SHQ1: variants seen among roughly 807,000 people sequenced by gnomAD.
SHQ1 encodes protein SHQ1 homolog.
SHQ1 carries 49 observed loss-of-function variants against 53.8 expected under a neutral mutation model. That is an observed-to-expected ratio of 0.91 (90% confidence interval 0.72 to 1.16). The LOEUF (loss-of-function observed/expected upper bound fraction) is 1.16. SHQ1 is among the 50% of genes most tolerant of loss of function. The probability of loss-of-function intolerance (pLI) is 0.00; values close to 1 mark genes in which losing one functional copy is unlikely to be tolerated. For synonymous variants in SHQ1, 243 were observed against 251.0 expected (o/e 0.97, Z 0.30); for missense variants, 738 against 683.1 (o/e 1.08, Z -0.90).
chr3:72,772,740 C>A (rs967138809), intron 10 of SHQ1: 9 of 743,654 alleles, frequency 1.2e-5, no homozygotes, highest in Non-Finnish European at 2.0e-5. Context: ...ATGCTACTCC[C>A]GTGGATGATC....
In SHQ1 at chr3:72,848,289, C is replaced by T; in HGVS notation, c.52G>A (p.Ala18Thr). The T allele has an allele frequency of 1.9e-6, 3 of 1,614,122 alleles. No homozygotes were observed. Among genetic ancestry groups the T allele is most frequent in the Non-Finnish European group, 2.5e-6 (3 of 1,180,024 alleles). Residue 18 changes from alanine (A) to threonine (T), a missense_variant, in exon 1 of 11, where the codon GCC (alanine) becomes ACC (threonine). Physicochemically the swap from Ala to Thr is moderately conservative, Grantham distance 58. Transcript: ENST00000325599. The stretch of plus-strand genomic sequence containing the variant: ...ACCCGGGCGTAGGGCACGCGGATGG[C>T]GATAGTCAGGAAGTCCGGATCCTGG... Reference protein sequence around the residue: ...LSQDPDFLTIAIRVPYARVSE... With the variant: ...LSQDPDFLTITIRVPYARVSE...
At chr3:72,837,875 G>A (rs1708049654) in intron 4 of SHQ1, among the ~76,000 whole-genome samples, 1 of 152,216 alleles carries the variant, frequency 6.6e-6, no homozygotes, top group African/African-American at 2.4e-5. Context: ...CAAGATTTCT[G>A]TGGCAATATT....
intron 4 of SHQ1, among the ~76,000 whole-genome samples, chr3:72,838,526 C>A (rs1383912055): frequency 1.3e-5 from 2 of 152,102 alleles, no homozygotes; most frequent in Admixed American, 1.3e-4. Flanking sequence ...GAGATGTAGT[C>A]TCACTCTGTC....
At chr3:72,775,858 T>C (rs1705949139) in intron 10 of SHQ1, among the ~76,000 whole-genome samples, 1 of 152,148 alleles carries the variant, frequency 6.6e-6, no homozygotes, top group Non-Finnish European at 1.5e-5. Context: ...AATAAAAAAC[T>C]CCATGCAAAA....
chr3:72,770,268 T>C lies in SHQ1; in HGVS notation c.1182-19432A>G, dbSNP rs370567242. Among the ~76,000 whole-genome samples the C allele has an allele frequency of 1.8e-4, 27 of 152,296 alleles. 1 individual carries two copies. The East Asian group carries it at 3.1e-3, about 17-fold the overall frequency. On this transcript the variant is annotated intron_variant, in intron 10 of 10. Transcript: ENST00000325599. ...TTATGGATAGCAGAAGCACAGAGAG[T>C]TTAAATGGCTTGTCCAAGGCCATAC...
chr3:72,778,782 CA>C (rs758699713), intron 10 of SHQ1, among the ~76,000 whole-genome samples: 50 of 152,182 alleles, frequency 3.3e-4, no homozygotes, highest in Non-Finnish European at 6.3e-4. Flanking sequence ...CAGATCACCA[CA>C]AAAGAGTTTA....
chr3:72,748,254 A>G (rs1705290121), downstream of SHQ1, among the ~76,000 whole-genome samples: 1 of 149,994 alleles, frequency 6.7e-6, no homozygotes, highest in Admixed American at 6.7e-5. Context: ...AAGAGTATAT[A>G]TAAGAATGCA....
rs145178304 is a variant in SHQ1 at position 72,763,064 on chromosome 3, G to C, written c.1182-12228C>G. On this transcript the variant is annotated intron_variant, in intron 10 of 10. Transcript: ENST00000325599. ...ACACACACACACACACACACACACA[G>C]AGAGAGAGAGAGAGAGAGAGAGAAA... is the stretch of plus-strand genomic sequence containing the variant. Among the ~76,000 whole-genome samples the C allele has an allele frequency of 5.5e-3, 427 of 78,058 alleles. 4 individuals are homozygous for C. The highest frequency in any genetic ancestry group is 0.014 in the African/African-American group (250 of 17,244). The allele number at this position is 78,058 out of a possible 152,430, so 51.2% of individuals were successfully genotyped here.
At chr3:72,813,593 C>T (rs1055179195) in intron 8 of SHQ1, among the ~76,000 whole-genome samples, 2 of 151,686 alleles carry the variant, frequency 1.3e-5, no homozygotes, top group African/African-American at 4.8e-5. Context: ...GAAACCCCGT[C>T]TCTACTAAAA....
At chr3:72,737,257 G>A in the SHQ1 span, among the ~76,000 whole-genome samples, 1 of 151,908 alleles carries the variant, frequency 6.6e-6, no homozygotes, top group Non-Finnish European at 1.5e-5. Flanking sequence ...CAGCCTGGGC[G>A]ACAAAGCAAG....
intron 10 of SHQ1, chr3:72,753,372 C>T (rs1227348174): frequency 2.7e-5 from 27 of 985,320 alleles, no homozygotes; most frequent in Non-Finnish European, 3.3e-5. Context: ...ATGGGAAATA[C>T]CGAACAAAGA....
intron 10 of SHQ1, among the ~76,000 whole-genome samples, chr3:72,788,948 G>A (rs987999652): frequency 1.3e-5 from 2 of 152,000 alleles, no homozygotes; most frequent in Admixed American, 6.6e-5. Context: ...TGCAGAAGGT[G>A]GCAGGGCCCT....
chr3:72,769,786 T>A (rs1464018844), intron 10 of SHQ1, among the ~76,000 whole-genome samples: 2 of 152,224 alleles, frequency 1.3e-5, no homozygotes, highest in African/African-American at 4.8e-5. Context: ...CATGGGCTAC[T>A]TCACCAAGAA....
chr3:72,770,536 C>A (rs1271438355), intron 10 of SHQ1, among the ~76,000 whole-genome samples: 2 of 152,046 alleles, frequency 1.3e-5, no homozygotes, highest in Non-Finnish European at 2.9e-5. Flanking sequence ...CCAGTTTCAC[C>A]AAGGGCTGTC....
chr3:72,797,807 C>T (rs1052604474), intron 9 of SHQ1, among the ~76,000 whole-genome samples: 23 of 152,210 alleles, frequency 1.5e-4, no homozygotes, highest in African/African-American at 4.8e-4. Context: ...ACTCTGAGGT[C>T]GTACTTGATC....
intron 10 of SHQ1, among the ~76,000 whole-genome samples, chr3:72,783,428 G>A (rs995301717): frequency 2.1e-5 from 3 of 143,752 alleles, no homozygotes; most frequent in Non-Finnish European, 4.5e-5. Context: ...GCTGTGGCAT[G>A]ATCTTGGCTC....
chr3:72,822,535 A>AT (rs1707508962), intron 6 of SHQ1, among the ~76,000 whole-genome samples: 1 of 152,160 alleles, frequency 6.6e-6, no homozygotes, highest in Admixed American at 6.5e-5. Flanking sequence ...CCTTCTCTTG[A>AT]TTTTTAGGGC....
chr3:72,732,967 A>G, the SHQ1 span, among the ~76,000 whole-genome samples: 1 of 151,700 alleles, frequency 6.6e-6, no homozygotes, highest in Non-Finnish European at 1.5e-5. Flanking sequence ...AGCCCTGCTG[A>G]TACTTGGCAC....
intron 6 of SHQ1, among the ~76,000 whole-genome samples, chr3:72,820,136 A>C (rs1001231433): frequency 6.6e-6 from 1 of 152,042 alleles, no homozygotes; most frequent in Non-Finnish European, 1.5e-5. Context: ...CAACATGTCA[A>C]CTCTCTACAT....
Sources: allele counts gnomAD v4.1 joint callset (sites outside exome capture counted in the v4.1 genomes callset), GRCh38; gene constraint gnomAD v4.1.1; transcripts MANE v1.5; gene names NCBI Gene and HGNC (gene_info 2026-07-23, HGNC 2026-07-21).